The following ZNF670 variants were observed in gnomAD, a reference collection of about 807,000 sequenced individuals.
ZNF670 encodes the protein zinc finger protein 670.
ZNF670 carries 7 observed loss-of-function variants against 10.9 expected under a neutral mutation model. The observed-to-expected ratio is 0.64, with a 90% CI of 0.36 to 1.20. The LOEUF is 1.20. Ranked by LOEUF, ZNF670 falls within the 50% of genes most tolerant of loss-of-function variation. The pLI is 0.02. For missense variants in ZNF670, 446 were observed against 458.6 expected (o/e 0.97, Z 0.25); for synonymous variants, 136 against 152.7 (o/e 0.89, Z 0.81).
intron 1 of ZNF670, among the ~76,000 whole-genome samples, chr1:247,041,072 T>C (rs1460234564): frequency 2.0e-5 from 3 of 152,178 alleles, no homozygotes; most frequent in Non-Finnish European, 4.4e-5. Flanking sequence ...CTTTAAAACA[T>C]ACAGTAGAGC....
intron 1 of ZNF670, among the ~76,000 whole-genome samples, chr1:247,040,181 T>C (rs1482808549): frequency 2.0e-5 from 3 of 152,190 alleles, no homozygotes; most frequent in Non-Finnish European, 4.4e-5. Flanking sequence ...ATATTTCTCA[T>C]ATGCTGTTAC....
At chr1:247,068,156 A>G (rs1002246971) in intron 1 of ZNF670, among the ~76,000 whole-genome samples, 1 of 150,134 alleles carries the variant, frequency 6.7e-6, no homozygotes. Context: ...CATCTCTACT[A>G]AAGATACAAA....
At chr1:247,073,199 AT>A (rs1046967560) in intron 1 of ZNF670, among the ~76,000 whole-genome samples, 7 of 152,252 alleles carry the variant, frequency 4.6e-5, no homozygotes, top group African/African-American at 1.7e-4. Context: ...CAATTCACTC[AT>A]TTTTCAACCA....
intron 1 of ZNF670, among the ~76,000 whole-genome samples, chr1:247,066,218 A>G (rs1670977054): frequency 6.6e-6 from 1 of 152,234 alleles, no homozygotes; most frequent in Non-Finnish European, 1.5e-5. Context: ...CCGAGAAAGG[A>G]TGCAGGCTGA....
chr1:247,038,168 T>G lies in ZNF670; in HGVS notation c.451A>C (p.Ile151Leu), dbSNP rs775675119. 1 of 1,614,168 alleles carries G rather than the reference T, an allele frequency of 6.2e-7. No homozygotes were observed. The highest frequency in any genetic ancestry group is 2.2e-5 in the East Asian group (1 of 44,870). ...YHCKQCGKAFISLTSVDRHMV... is the reference protein window; with the variant it reads ...YHCKQCGKAFLSLTSVDRHMV... The stretch of plus-strand genomic sequence containing the variant: ...TGTCTGTCAACACTGGTGAGAGAGA[T>G]AAAGGCTTTCCCACATTGTTTGCAA... Residue 151 changes from isoleucine (I) to leucine (L), a missense_variant, in exon 4 of 4, where the codon ATC (isoleucine) becomes CTC (leucine). Transcript: ENST00000366503.
At chr1:247,051,782 ATTT>A (rs58493948) in intron 1 of ZNF670, among the ~76,000 whole-genome samples, 2,480 of 138,228 alleles carry the variant, frequency 0.018, 50 homozygotes, top group African/African-American at 0.06. Flanking sequence ...TTCTTTTTTC[ATTT>A]TTTTTTTTTT....
chr1:247,037,268 G>T lies in ZNF670; in HGVS notation c.*181C>A. On this transcript the variant is annotated 3_prime_UTR_variant, in exon 4 of 4. Coordinates refer to ENST00000366503, the MANE Select transcript of ZNF670 (RefSeq NM_033213.5). The stretch of plus-strand genomic sequence containing the variant: ...TTTTATGACGTTCTTTCCCAGGACG[G>T]GTCCTTCTAAGTTTTAGAAGGGAAC... 1 of 621,704 alleles carries T rather than the reference G, an allele frequency of 1.6e-6. No individual in the cohort carries two copies. The highest frequency in any genetic ancestry group is 2.5e-6 in the Non-Finnish European group (1 of 399,746). The allele number at this position is 621,704 out of a possible 1,614,324, so 38.5% of individuals were successfully genotyped here. A position where few individuals can be genotyped will look rare whatever the true frequency, so the allele number is the denominator to read the frequency against.
At chr1:247,072,248 T>C (rs1382404449) in intron 1 of ZNF670, among the ~76,000 whole-genome samples, 1 of 151,034 alleles carries the variant, frequency 6.6e-6, no homozygotes, top group Non-Finnish European at 1.5e-5. Flanking sequence ...ACTCTGAGGC[T>C]CAAGTGATCC....
intron 1 of ZNF670, among the ~76,000 whole-genome samples, chr1:247,049,613 T>C (rs540915761): frequency 1.3e-5 from 2 of 152,354 alleles, no homozygotes; most frequent in South Asian, 2.1e-4. Flanking sequence ...TGACCTTAGA[T>C]GGTCTATTTG....
At chr1:247,057,131 G>A (rs1261159745) in intron 1 of ZNF670, among the ~76,000 whole-genome samples, 4 of 151,878 alleles carry the variant, frequency 2.6e-5, no homozygotes, top group Admixed American at 6.6e-5. Context: ...GAATACATAA[G>A]GATTTCAAAC....
At chr1:247,078,303 G>C (rs1671300502) in intron 1 of ZNF670, among the ~76,000 whole-genome samples, 1 of 152,184 alleles carries the variant, frequency 6.6e-6, no homozygotes, top group Non-Finnish European at 1.5e-5. Flanking sequence ...CCCCAAGTCG[G>C]GACTCTCCCC....
chr1:247,048,287 G>T (rs1412212911), intron 1 of ZNF670, among the ~76,000 whole-genome samples: 1 of 152,126 alleles, frequency 6.6e-6, no homozygotes, highest in Non-Finnish European at 1.5e-5. Context: ...CAGATCTCTA[G>T]GGCAGGGGCA....
At chr1:247,050,761 A>C (rs1670573100) in intron 1 of ZNF670, among the ~76,000 whole-genome samples, 1 of 152,008 alleles carries the variant, frequency 6.6e-6, no homozygotes, top group African/African-American at 2.4e-5. Context: ...GGCATGAGCC[A>C]CCGTGCCCAG....
In ZNF670 at chr1:247,039,424, G is replaced by T. The variant is rs1670252787; in HGVS notation, c.117C>A (p.Asn39Lys). 1 of 1,602,140 alleles carries T rather than the reference G, an allele frequency of 6.2e-7. No homozygotes were observed. The highest frequency in any genetic ancestry group is 1.4e-5 in the African/African-American group (1 of 73,778). Residue 39 changes from asparagine (N) to lysine (K), a missense_variant, in exon 2 of 4, where the codon AAC (asparagine) becomes AAA (lysine). Coordinates refer to ENST00000366503, the MANE Select transcript of ZNF670 (RefSeq NM_033213.5). ...TGTTATTCTTACCTACAGAAGCCAG[G>T]TTCCTGAAGATTTCTTGCATCACAT... ...YRDVMQEIFRNLASVGNKSED... is the reference protein window; with the variant it reads ...YRDVMQEIFRKLASVGNKSED...
chr1:247,078,533 CACA>C (rs1053272243), intron 1 of ZNF670, 58 bp downstream of exon 1: 277 of 1,610,012 alleles, frequency 1.7e-4, no homozygotes, highest in Non-Finnish European at 2.3e-4. Context: ...CCGGGTTCGC[CACA>C]ACCGCTTCCT....
rs145672111 is a variant in ZNF670, at chr1:247,074,898, A to G, written c.3+3696T>C. Among the ~76,000 whole-genome samples the G allele has an allele frequency of 3.9e-3, 592 of 152,288 alleles. 2 individuals are homozygous for G. The highest frequency in any genetic ancestry group is 0.013 in the African/African-American group (530 of 41,566). On this transcript the variant is annotated intron_variant, in intron 1 of 3. Transcript: ENST00000366503. The stretch of plus-strand genomic sequence containing the variant: ...TTGGGGACCCCTGCTTTATTGAATA[A>G]TGTCTAGAAAGAATGCCAGGACAAT...
chr1:247,056,928 T>A (rs541175342), intron 1 of ZNF670, among the ~76,000 whole-genome samples: 1 of 152,188 alleles, frequency 6.6e-6, no homozygotes, highest in African/African-American at 2.4e-5. Context: ...CTTCAGGACA[T>A]TGAACTGGGC....
intron 1 of ZNF670, among the ~76,000 whole-genome samples, chr1:247,072,787 C>CA (rs1384381709): frequency 6.3e-4 from 45 of 71,540 alleles, no homozygotes; most frequent in African/African-American, 2.0e-3. Context: ...AACTCTGTCT[C>CA]AAAAAAAAAA....
At chr1:247,050,737 G>C (rs1027862680) in intron 1 of ZNF670, among the ~76,000 whole-genome samples, 5 of 151,934 alleles carry the variant, frequency 3.3e-5, no homozygotes, top group African/African-American at 1.2e-4. Context: ...GCCTCCCAAA[G>C]TGTTGGGATT....
Sources: allele counts gnomAD v4.1 joint callset (sites outside exome capture counted in the v4.1 genomes callset), GRCh38; gene constraint gnomAD v4.1.1; transcripts MANE v1.5; gene names NCBI Gene and HGNC (gene_info 2026-07-23, HGNC 2026-07-21).